The following USP43 variants were observed in gnomAD, a reference collection of about 807,000 sequenced individuals.
USP43 encodes ubiquitin carboxyl-terminal hydrolase 43.
Under a neutral mutation model 90.7 loss-of-function variants are expected in USP43, and 33 were observed. That is an observed-to-expected ratio of 0.36 (90% CI 0.28 to 0.49). The LOEUF is 0.49. Among genes scored for constraint, USP43 ranks in the 20% least tolerant of loss-of-function variants. USP43 has a pLI of 0.98. For synonymous variants in USP43, 598 were observed against 615.8 expected (o/e 0.97, Z 0.43); for missense variants, 1,274 against 1,476.4 (o/e 0.86, Z 2.25).
chr17:9,676,954 T>A, intron 5 of USP43, 73 bp downstream of exon 5: 1 of 1,548,108 alleles, frequency 6.5e-7, no homozygotes, highest in Non-Finnish European at 8.7e-7. Context: ...CTAGGCTGTT[T>A]AGGCCAATTT....
intron 8 of USP43, among the ~76,000 whole-genome samples, chr17:9,691,114 T>C (rs1285419312): frequency 1.7e-5 from 2 of 119,308 alleles, no homozygotes; most frequent in Non-Finnish European, 3.2e-5. Flanking sequence ...CTTCATTTTT[T>C]TTTTTTTCTT....
chr17:9,687,020 A>G, intron 8 of USP43, 111 bp downstream of exon 8: 1 of 923,524 alleles, frequency 1.1e-6, no homozygotes, highest in Non-Finnish European at 1.6e-6. Flanking sequence ...AGGAGAGGAT[A>G]ATTTGCTGTT....
chr17:9,725,614 AG>A (rs1917224557), intron 14 of USP43, among the ~76,000 whole-genome samples: 2 of 152,200 alleles, frequency 1.3e-5, no homozygotes, highest in Admixed American at 1.3e-4. Flanking sequence ...TAAAGATAAC[AG>A]GGGTACTTTT....
At chr17:9,723,859 T>C (rs1419322787) in intron 14 of USP43, among the ~76,000 whole-genome samples, 3 of 152,068 alleles carry the variant, frequency 2.0e-5, no homozygotes, top group African/African-American at 7.2e-5. Flanking sequence ...TCCACCCGCC[T>C]CGGCCTCCCA....
intron 1 of USP43, among the ~76,000 whole-genome samples, chr17:9,653,892 G>A (rs1182965973): frequency 6.6e-6 from 1 of 152,208 alleles, no homozygotes; most frequent in African/African-American, 2.4e-5. Flanking sequence ...TGTTGTCTGG[G>A]TCAGCTGTAG....
chr17:9,723,172 T>G (rs1212639970), intron 14 of USP43, among the ~76,000 whole-genome samples: 2 of 152,122 alleles, frequency 1.3e-5, no homozygotes, highest in Non-Finnish European at 2.9e-5. Context: ...GGCCCCAGGG[T>G]TGCAGGTGAG....
chr17:9,694,050 C>A (rs1293990527), intron 9 of USP43, among the ~76,000 whole-genome samples: 1 of 152,126 alleles, frequency 6.6e-6, no homozygotes, highest in African/African-American at 2.4e-5. Flanking sequence ...GTGCGTGTGC[C>A]CTTGCAAAGC....
chr17:9,664,009 T>C (rs887892613), intron 2 of USP43, among the ~76,000 whole-genome samples: 1 of 152,212 alleles, frequency 6.6e-6, no homozygotes, highest in Non-Finnish European at 1.5e-5. Flanking sequence ...CCACCCACTG[T>C]GGCACCAGAC....
chr17:9,720,533 G>C (rs980890413), intron 14 of USP43, among the ~76,000 whole-genome samples: 4 of 151,778 alleles, frequency 2.6e-5, no homozygotes, highest in Admixed American at 1.3e-4. Flanking sequence ...TTGTTGCCCA[G>C]GCTGGAGTGC....
In USP43 at chr17:9,728,547, A is replaced by T; in HGVS notation, c.2929A>T (p.Asn977Tyr). The T allele has an allele frequency of 6.2e-7, 1 of 1,614,010 alleles. No homozygotes were observed. The highest frequency in any genetic ancestry group is 8.5e-7 in the Non-Finnish European group (1 of 1,179,900). ...CTCCCCCTATATGGGATTCTCTGGA[A>T]ACAGCAAAGACAGTCGCCGAGGCAC... is the stretch of plus-strand genomic sequence containing the variant. The part of the protein sequence containing the change: ...PPSPYMGFSG[N>Y]SKDSRRGTSE... The change falls in exon 15 of 15, where the codon AAC (asparagine) becomes TAC (tyrosine). Residue 977 changes from asparagine to tyrosine, a missense_variant. This residue lies in a region of USP43 where 353 missense variants were observed against 329.7 expected (regional missense o/e 1.07). Coordinates refer to ENST00000285199, the MANE Select transcript of USP43 (RefSeq NM_153210.5). This position sits in a 1 kb window ranked among gnomAD's most constrained non-coding sequence, Gnocchi z 6.2.
At chr17:9,668,384 C>CT (rs1913180818) in intron 3 of USP43, among the ~76,000 whole-genome samples, 1 of 152,228 alleles carries the variant, frequency 6.6e-6, no homozygotes, top group Non-Finnish European at 1.5e-5. Context: ...TCACTTAAAA[C>CT]TGCCCGGAAA....
intron 14 of USP43, among the ~76,000 whole-genome samples, chr17:9,726,047 C>T (rs1259630954): frequency 6.6e-6 from 1 of 152,088 alleles, no homozygotes; most frequent in Non-Finnish European, 1.5e-5. Context: ...TAAAGAAATG[C>T]TTTGAGGAAA....
intron 3 of USP43, among the ~76,000 whole-genome samples, chr17:9,667,868 T>C (rs1290807203): frequency 1.3e-5 from 2 of 152,224 alleles, no homozygotes; most frequent in Non-Finnish European, 2.9e-5. Context: ...TGTGTCTATA[T>C]ATATTTTAAG....
At chr17:9,720,609 C>T (rs1408643452) in intron 14 of USP43, among the ~76,000 whole-genome samples, 1 of 151,984 alleles carries the variant, frequency 6.6e-6, no homozygotes, top group East Asian at 2.0e-4. Context: ...CTGCCTCAGC[C>T]TTCCAAGTAG....
chr17:9,704,922 G>T (rs1221382082), intron 12 of USP43, among the ~76,000 whole-genome samples: 1 of 152,136 alleles, frequency 6.6e-6, no homozygotes, highest in Admixed American at 6.5e-5. Context: ...TCTTGGAAGT[G>T]TGATAATTCT....
At chr17:9,720,800 C>T (rs919457364) in intron 14 of USP43, among the ~76,000 whole-genome samples, 11 of 152,016 alleles carry the variant, frequency 7.2e-5, no homozygotes, top group Admixed American at 4.6e-4. Flanking sequence ...GTTTTTTTGA[C>T]GGTCAAAATT....
chr17:9,681,484 A>AAAATATAT (rs1282483915), intron 6 of USP43, among the ~76,000 whole-genome samples: 1 of 33,476 alleles, frequency 3.0e-5, no homozygotes, highest in African/African-American at 1.3e-4. Flanking sequence ...ATATATATAT[A>AAAATATAT]TATATATATA....
chr17:9,717,580 T>G (rs1403217221), intron 14 of USP43, among the ~76,000 whole-genome samples: 1 of 152,048 alleles, frequency 6.6e-6, no homozygotes, highest in African/African-American at 2.4e-5. Context: ...TCCCCATGTC[T>G]GCGTGGGTTT....
At position 9,711,976 on chromosome 17, in the gene USP43, A is replaced by G; in HGVS notation, c.2179A>G (p.Ser727Gly). 1 of 1,605,388 alleles carries G rather than the reference A, an allele frequency of 6.2e-7. No individual in the cohort carries two copies. The highest frequency in any genetic ancestry group is 8.5e-7 in the Non-Finnish European group (1 of 1,175,608). ...SASSSMRGST[S>G]SSLSDHWLLR... Reference sequence around the variant, plus strand: ...CTGTGTTTCCTCCACAGGCTCTACCAGCTCCTCCCTGTCTGATCACTGGCT... The same window carrying G: ...CTGTGTTTCCTCCACAGGCTCTACCGGCTCCTCCCTGTCTGATCACTGGCT... Residue 727 changes from serine to glycine, a missense_variant, in exon 14 of 15, where the codon AGC becomes GGC. Coordinates refer to ENST00000285199, the MANE Select transcript of USP43 (RefSeq NM_153210.5).
Sources: allele counts gnomAD v4.1 joint callset (sites outside exome capture counted in the v4.1 genomes callset), GRCh38; gene constraint gnomAD v4.1.1; regional missense constraint gnomAD v4.1.1; non-coding constraint Gnocchi (gnomAD v3.1); transcripts MANE v1.5; gene names NCBI Gene and HGNC (gene_info 2026-07-23, HGNC 2026-07-21).